The following THNSL1 variants were observed in gnomAD, a reference collection of about 807,000 sequenced individuals.
THNSL1 encodes the protein threonine synthase like 1.
Under a neutral mutation model 50.4 loss-of-function variants are expected in THNSL1, and 48 were observed. The ratio of observed to expected loss-of-function variants is 0.95; its 90% CI spans 0.76 to 1.21. The LOEUF is 1.21. Among genes scored for constraint, THNSL1 ranks in the 50% most tolerant of loss-of-function variants. The pLI is 0.00. For missense variants in THNSL1, 896 were observed against 871.7 expected, an observed-to-expected ratio of 1.03 and a Z score of -0.35; for synonymous variants, 309 against 306.1, an observed-to-expected ratio of 1.01 and a Z score of -0.10.
At chr10:24,974,471 T>C in the THNSL1 span, among the ~76,000 whole-genome samples, 1 of 152,170 alleles carries the variant, frequency 6.6e-6, no homozygotes, top group South Asian at 2.1e-4. Context: ...AAAGTAGACG[T>C]CTTATGAAGA....
the THNSL1 span, chr10:24,984,625 T>C: frequency 2.7e-6 from 3 of 1,113,040 alleles, no homozygotes; most frequent in South Asian, 3.4e-5. Context: ...ATTAAGACTA[T>C]TTTTATTCTC....
At chr10:24,985,189 A>G in the THNSL1 span, among the ~76,000 whole-genome samples, 145 of 152,326 alleles carry the variant, frequency 9.5e-4, no homozygotes, top group African/African-American at 3.4e-3. Context: ...GTACACGCAG[A>G]GTTATGAGTA....
At chr10:24,977,566 T>C in the THNSL1 span, among the ~76,000 whole-genome samples, 1 of 152,166 alleles carries the variant, frequency 6.6e-6, no homozygotes, top group Non-Finnish European at 1.5e-5. Context: ...GTGAAGTTTA[T>C]TATATACGCC....
At chr10:24,973,898 C>A in the THNSL1 span, among the ~76,000 whole-genome samples, 1 of 152,080 alleles carries the variant, frequency 6.6e-6, no homozygotes, top group East Asian at 1.9e-4. Context: ...GGATTACAGG[C>A]GTTCGCCACC....
chr10:24,953,560 C>G, the THNSL1 span: 1 of 152,242 alleles, frequency 6.6e-6, no homozygotes, highest in African/African-American at 2.4e-5. Flanking sequence ...TCTCACATGC[C>G]TATGCTCCGG....
chr10:24,970,441 G>A, the THNSL1 span, among the ~76,000 whole-genome samples: 1 of 152,156 alleles, frequency 6.6e-6, no homozygotes. Context: ...AGGGTGTGGT[G>A]ACCCACACCT....
chr10:24,998,973 G>A, the THNSL1 span, among the ~76,000 whole-genome samples: 2 of 152,184 alleles, frequency 1.3e-5, no homozygotes, highest in East Asian at 3.8e-4. Context: ...TACTCAAAAT[G>A]AGCCCAGTAG....
chr10:24,962,894 G>A, the THNSL1 span, among the ~76,000 whole-genome samples: 1 of 152,024 alleles, frequency 6.6e-6, no homozygotes, highest in Non-Finnish European at 1.5e-5. Flanking sequence ...AACACACAAA[G>A]CAAACAACCC....
At chr10:24,980,354 T>C in the THNSL1 span, among the ~76,000 whole-genome samples, 1 of 152,068 alleles carries the variant, frequency 6.6e-6, no homozygotes, top group East Asian at 1.9e-4. Context: ...TTTCTTCTTC[T>C]CAACTTTTTC....
At position 25,024,413 on chromosome 10, in the gene THNSL1, A is replaced by G. The variant is rs780227831; in HGVS notation, c.1190A>G (p.Asp397Gly). The change falls in exon 3 of 3, where the codon GAT (aspartate) becomes GGT (glycine). Residue 397 changes from aspartate to glycine, a missense_variant. Coordinates refer to ENST00000376356, the MANE Select transcript of THNSL1 (RefSeq NM_024838.5). The part of the protein sequence containing the change: ...LNGFSRLNKN[D>G]KQRIAVVAFF... ...GGTTTTAGTCGTCTAAATAAGAATG[A>G]TAAGCAAAGGATAGCTGTGGTTGCA... The G allele has an allele frequency of 3.1e-6, 5 of 1,613,996 alleles. No individual in the cohort carries two copies. Among genetic ancestry groups the G allele is most frequent in the East Asian group, 2.2e-5 (1 of 44,886 alleles).
chr10:25,025,703 A>C lies in THNSL1; in HGVS notation c.*248A>C. On this transcript the variant is annotated 3_prime_UTR_variant, in exon 3 of 3. Coordinates refer to ENST00000376356, the MANE Select transcript of THNSL1 (RefSeq NM_024838.5). ...GCTATCATACTTTTGCCTTCTGCTC[A>C]TGAGGGGTGTATCAATTTCCACTCC... 1 of 447,000 alleles carries C rather than the reference A, an allele frequency of 2.2e-6. No individual in the cohort carries two copies. 27.7% of individuals were successfully genotyped at this position (447,000 alleles called of 1,614,324 possible).
At chr10:24,960,420 T>C in the THNSL1 span, among the ~76,000 whole-genome samples, 1 of 151,938 alleles carries the variant, frequency 6.6e-6, no homozygotes, top group African/African-American at 2.4e-5. Context: ...TTATTATTAT[T>C]ATTTTATTTT....
At chr10:24,961,254 A>G in the THNSL1 span, among the ~76,000 whole-genome samples, 2 of 152,346 alleles carry the variant, frequency 1.3e-5, no homozygotes, top group Non-Finnish European at 2.9e-5. Context: ...AAATAAACAT[A>G]TAACACAAGT....
chr10:25,024,868 T>C lies in THNSL1; in HGVS notation c.1645T>C (p.Tyr549His). 1.2e-6 allele frequency: 2 copies of C among 1,614,066 alleles called. No individual in the cohort carries two copies. The highest frequency in any genetic ancestry group is 1.7e-6 in the Non-Finnish European group (2 of 1,180,032). Residue 549 changes from tyrosine to histidine, a missense_variant, in exon 3 of 3, where the codon TAT (tyrosine) becomes CAT (histidine). Transcript: ENST00000376356. ...GACTGATTTTATAAAAACAGGACATTATGATCTAAGGGAAAGAAAACTAGC... is the reference window on the plus strand; with the variant it reads ...GACTGATTTTATAAAAACAGGACATCATGATCTAAGGGAAAGAAAACTAGC... Reference protein sequence around the residue: ...VLTDFIKTGHYDLRERKLAQT... With the variant: ...VLTDFIKTGHHDLRERKLAQT...
At chr10:24,990,350 T>G in the THNSL1 span, 1 of 1,365,494 alleles carries the variant, frequency 7.3e-7, no homozygotes. Context: ...CCCAAAGAGA[T>G]TGTTCTGATT....
the THNSL1 span, among the ~76,000 whole-genome samples, chr10:25,000,677 C>G: frequency 2.0e-5 from 3 of 152,058 alleles, no homozygotes; most frequent in African/African-American, 7.2e-5. Context: ...CATTCTTGGA[C>G]TTTCTACTTG....
chr10:25,016,470 G>T (rs1850577222), upstream of THNSL1, among the ~76,000 whole-genome samples: 1 of 152,230 alleles, frequency 6.6e-6, no homozygotes. Flanking sequence ...GGCGGAGCGA[G>T]CGGCTGAGAC....
the THNSL1 span, among the ~76,000 whole-genome samples, chr10:25,009,991 G>A: frequency 2.0e-5 from 3 of 152,210 alleles, no homozygotes; most frequent in Admixed American, 1.3e-4. Flanking sequence ...GGTACCAGTA[G>A]AGTGGGATGC....
chr10:24,993,526 G>T, the THNSL1 span, among the ~76,000 whole-genome samples: 1 of 152,112 alleles, frequency 6.6e-6, no homozygotes, highest in Non-Finnish European at 1.5e-5. Flanking sequence ...GGTATGAATG[G>T]CATATAATTC....
Sources: gnomAD v4.1 joint callset for allele counts (sites outside exome capture counted in the v4.1 genomes callset) on GRCh38, gnomAD v4.1.1 for gene constraint, MANE v1.5 for transcripts, NCBI Gene and HGNC (gene_info 2026-07-23, HGNC 2026-07-21) for gene names.